Variants in ZCCHC14 observed in about 807,000 individuals in gnomAD.
ZCCHC14 encodes the protein zinc finger CCHC domain-containing protein 14.
In ZCCHC14, 16 loss-of-function variants were observed where a neutral mutation model predicts 85.0. The observed-to-expected ratio is 0.19, with a 90% CI of 0.13 to 0.29. The LOEUF (loss-of-function observed/expected upper bound fraction) is 0.29. Ranked by LOEUF, ZCCHC14 falls within the 10% of genes least tolerant of loss-of-function variation. The probability of loss-of-function intolerance (pLI) is 1.00; values close to 1 mark genes in which losing one functional copy is unlikely to be tolerated. For synonymous variants in ZCCHC14, 775 were observed against 630.7 expected (o/e 1.23, Z -3.43); for missense variants, 1,303 against 1,443.5 (o/e 0.90, Z 1.58).
chr16:87,418,602 T>C (rs57765380), intron 7 of ZCCHC14, among the ~76,000 whole-genome samples: 18,356 of 152,260 alleles, frequency 0.12, 2,825 homozygotes, highest in African/African-American at 0.36. Flanking sequence ...TCTGACTTTC[T>C]ACGTCTATGA....
At chr16:87,422,948 G>C in intron 4 of ZCCHC14, among the ~76,000 whole-genome samples, 1 of 152,158 alleles carries the variant, frequency 6.6e-6, no homozygotes, top group Non-Finnish European at 1.5e-5. Context: ...GCACTGTCGT[G>C]TTCTTCAATG....
chr16:87,473,064 T>C (rs1911845084), intron 1 of ZCCHC14: 1 of 152,192 alleles, frequency 6.6e-6, no homozygotes, highest in Admixed American at 6.5e-5. Context: ...TTAGAAACAG[T>C]GAGCTGCAAC....
intron 6 of ZCCHC14, among the ~76,000 whole-genome samples, chr16:87,419,570 G>A (rs997434774): frequency 6.6e-6 from 1 of 152,172 alleles, no homozygotes; most frequent in African/African-American, 2.4e-5. Flanking sequence ...CAAAGTATTG[G>A]GATTATAGGC....
At chr16:87,414,134 G>A (rs1265411490) in intron 10 of ZCCHC14, among the ~76,000 whole-genome samples, 1 of 136,180 alleles carries the variant, frequency 7.3e-6, no homozygotes, top group Non-Finnish European at 1.5e-5. Context: ...CTCTGTGTAC[G>A]AGTAACCCAC....
At chr16:87,416,861 T>G (rs759747511) in intron 8 of ZCCHC14, among the ~76,000 whole-genome samples, 2 of 152,222 alleles carry the variant, frequency 1.3e-5, no homozygotes, top group Non-Finnish European at 2.9e-5. Context: ...TAGGTTCAAT[T>G]GTAGATTTTT....
Position 87,406,933 on chromosome 16 carries a change from C to A in ZCCHC14, c.*3347G>T, listed in dbSNP as rs1241206947. 1 of 152,188 alleles carries A rather than the reference C, an allele frequency of 6.6e-6. No homozygotes were observed. The highest frequency in any genetic ancestry group is 1.5e-5 in the Non-Finnish European group (1 of 68,044). The allele number at this position is 152,188 out of a possible 1,614,324, so 9.4% of individuals were successfully genotyped here. On this transcript the variant is annotated 3_prime_UTR_variant, in exon 13 of 13. Transcript: ENST00000671377. ...CTCTCCTCTGGGACAGCAGTCGAGTCAAGCAGGGAGACGGCTTTCCTCACA... is the reference window on the plus strand; with the variant it reads ...CTCTCCTCTGGGACAGCAGTCGAGTAAAGCAGGGAGACGGCTTTCCTCACA...
intron 10 of ZCCHC14, among the ~76,000 whole-genome samples, chr16:87,413,572 G>GT (rs981562784): frequency 4.5e-4 from 66 of 147,814 alleles, no homozygotes; most frequent in Middle Eastern, 3.5e-3. Context: ...ATCCTGCCAG[G>GT]TTTTTTTTTT....
chr16:87,419,173 T>C (rs1248933958), intron 6 of ZCCHC14, among the ~76,000 whole-genome samples: 1 of 134,184 alleles, frequency 7.5e-6, no homozygotes, highest in Non-Finnish European at 1.6e-5. Context: ...CTGTCAACCA[T>C]GCTGGAGTGC....
rs1242242396 is a variant in ZCCHC14, at chr16:87,492,338, G to A, written c.-100C>T. ...GCCGGGGCGCGCCGGGACCGGGGAC[G>A]CGCGGGCCGGGGCCGGGTCCGGGCG... On this transcript the variant is annotated 5_prime_UTR_variant, in exon 1 of 13. Coordinates refer to ENST00000671377, the MANE Select transcript of ZCCHC14 (RefSeq NM_015144.3). This position sits in a 1 kb window ranked among gnomAD's most constrained non-coding sequence, Gnocchi z 6.7. The A allele has an allele frequency of 2.8e-6, 1 of 354,304 alleles. No homozygotes were observed. Among genetic ancestry groups the A allele is most frequent in the Non-Finnish European group, 3.9e-6 (1 of 257,434 alleles). The allele number at this position is 354,304 out of a possible 1,614,324, so 21.9% of individuals were successfully genotyped here.
intron 2 of ZCCHC14, among the ~76,000 whole-genome samples, chr16:87,454,598 G>T (rs1910861773): frequency 1.3e-5 from 2 of 152,238 alleles, no homozygotes; most frequent in Admixed American, 1.3e-4. Flanking sequence ...CAGCAGAACT[G>T]CAGTGAAAGA....
At chr16:87,446,329 C>CA (rs1437315946) in intron 2 of ZCCHC14, among the ~76,000 whole-genome samples, 3 of 152,028 alleles carry the variant, frequency 2.0e-5, no homozygotes, top group African/African-American at 7.2e-5. Flanking sequence ...ACTAAAAATA[C>CA]AAAAATTAGC....
At chr16:87,468,090 G>A (rs2150766313) in intron 1 of ZCCHC14, among the ~76,000 whole-genome samples, 1 of 152,318 alleles carries the variant, frequency 6.6e-6, no homozygotes, top group South Asian at 2.1e-4. Context: ...CTTAAGAATG[G>A]TACATTTAAG....
chr16:87,477,120 C>CAAAAAAAAAAAAAAAAAAAAAAAAAA (rs769416913), intron 1 of ZCCHC14, among the ~76,000 whole-genome samples: 3 of 40,638 alleles, frequency 7.4e-5, no homozygotes, highest in African/African-American at 2.9e-4. Context: ...GACTCAGTCT[C>CAAAAAAAAAAAAAAAAAAAAAAAAAA]AAAAAAAAAA....
chr16:87,484,264 G>C (rs4843246), intron 1 of ZCCHC14, among the ~76,000 whole-genome samples: 121,143 of 152,180 alleles, frequency 0.8, 48,874 homozygotes, highest in Non-Finnish European at 0.87. Context: ...GTGCCCTTCC[G>C]TGCCATCTGT....
rs1019542978 is a variant in ZCCHC14, at chr16:87,459,916, C to A, written c.694+92G>T. ...CATAAGATTGGCATTTATGAAAGAT[C>A]TGAAAGCATTTAACAATGCCCTCAC... On this transcript the variant is annotated intron_variant, in intron 2 of 12. Transcript: ENST00000671377. 19 of 1,551,406 alleles carry A rather than the reference C, an allele frequency of 1.2e-5. No homozygotes were observed. In the East Asian group the frequency reaches 4.3e-4, roughly 35 times the overall value.
At chr16:87,438,145 C>T (rs943487612) in intron 2 of ZCCHC14, among the ~76,000 whole-genome samples, 4 of 152,232 alleles carry the variant, frequency 2.6e-5, no homozygotes, top group African/African-American at 7.2e-5. Context: ...AAACAGCAAC[C>T]GGGCACGCGC....
At chr16:87,479,610 A>G (rs1405404153) in intron 1 of ZCCHC14, among the ~76,000 whole-genome samples, 1 of 152,192 alleles carries the variant, frequency 6.6e-6, no homozygotes, top group Admixed American at 6.5e-5. Context: ...CGGTTTTTCA[A>G]TTTATTGACA....
chr16:87,465,721 T>C (rs1911489492), intron 1 of ZCCHC14, among the ~76,000 whole-genome samples: 2 of 152,176 alleles, frequency 1.3e-5, no homozygotes, highest in Non-Finnish European at 2.9e-5. Context: ...CCTGAGAATC[T>C]TGCATTTCTA....
intron 1 of ZCCHC14, among the ~76,000 whole-genome samples, chr16:87,464,067 C>T (rs1456349162): frequency 4.6e-5 from 7 of 152,242 alleles, no homozygotes; most frequent in Non-Finnish European, 7.3e-5. Flanking sequence ...AAAAGAAACA[C>T]GTGTGATCAG....
Sources: gnomAD v4.1 joint callset for allele counts (sites outside exome capture counted in the v4.1 genomes callset) on GRCh38, gnomAD v4.1.1 for gene constraint, Gnocchi (gnomAD v3.1) non-coding constraint, MANE v1.5 for transcripts, NCBI Gene and HGNC (gene_info 2026-07-23, HGNC 2026-07-21) for gene names.